The following OTUD5 variants were observed in gnomAD, a reference collection of about 807,000 sequenced individuals.
The protein encoded by OTUD5 is OTU domain-containing protein 5.
Under a neutral mutation model 36.3 loss-of-function variants are expected in OTUD5, and 2 were observed. The ratio of observed to expected loss-of-function variants is 0.06; its 90% CI spans 0.02 to 0.17. OTUD5 has a LOEUF of 0.17. Ranked by LOEUF, OTUD5 falls within the 10% of genes least tolerant of loss-of-function variation. OTUD5 has a pLI of 1.00. For missense variants in OTUD5, 233 were observed against 512.3 expected, an observed-to-expected ratio of 0.45 and a Z score of 5.26; for synonymous variants, 234 against 214.9, an observed-to-expected ratio of 1.09 and a Z score of -0.78.
At chrX:48,925,750 G>C in intron 6 of OTUD5, 97 bp downstream of exon 6, 1 of 669,061 alleles carries the variant, frequency 1.5e-6, no homozygotes, top group Non-Finnish European at 2.3e-6. Context: ...TTCCCTCCCA[G>C]ATGTCAAAAC....
At chrX:48,946,090 C>G (rs1367609708) in intron 1 of OTUD5, among the ~76,000 whole-genome samples, 1 of 111,162 alleles carries the variant, frequency 9.0e-6, no homozygotes, top group Non-Finnish European at 1.9e-5. Context: ...GCCCACCTAT[C>G]CGTAAGGCCA....
In OTUD5 at chrX:48,922,904, G is replaced by A. The variant is rs886735845; in HGVS notation, c.*270C>T. 34 of 964,135 alleles carry A rather than the reference G, an allele frequency of 3.5e-5. No homozygotes were observed. Among genetic ancestry groups the A allele is most frequent in the South Asian group, 1.3e-4 (4 of 30,995 alleles). 79.5% of individuals were successfully genotyped at this position (964,135 alleles called of 1,213,427 possible). A position where few individuals can be genotyped will look rare whatever the true frequency, so the allele number is the denominator to read the frequency against. ...TTGTCTATCTTCGGCACCCTTGCCC[G>A]AGTCCCCTGTGGAATGCAGGGATGG... On this transcript the variant is annotated 3_prime_UTR_variant, in exon 9 of 9. Coordinates refer to ENST00000376488, the MANE Select transcript of OTUD5 (RefSeq NM_001136157.2).
chrX:48,944,376 A>T (rs2063986018), intron 1 of OTUD5, 93 bp from the exon 2 acceptor site: 1 of 544,229 alleles, frequency 1.8e-6, no homozygotes, highest in African/African-American at 2.3e-5. Flanking sequence ...TAGATCATTG[A>T]CAGAGAGGAC....
intron 1 of OTUD5, among the ~76,000 whole-genome samples, chrX:48,946,091 C>T (rs1017797238): frequency 2.7e-5 from 3 of 111,074 alleles, no homozygotes; most frequent in African/African-American, 9.8e-5. Flanking sequence ...CCCACCTATC[C>T]GTAAGGCCAT....
intron 1 of OTUD5, among the ~76,000 whole-genome samples, chrX:48,953,616 C>T (rs1300035901): frequency 2.7e-5 from 3 of 111,124 alleles, no homozygotes; most frequent in African/African-American, 9.8e-5. Flanking sequence ...CCAGCTTTTT[C>T]CACCACCTCA....
Position 48,957,546 on chromosome X carries a change from GCTT to G in OTUD5, c.22_24del (p.Lys8del). The G allele has an allele frequency of 1.2e-6, 1 of 832,950 alleles. No homozygotes were observed. Among genetic ancestry groups the G allele is most frequent in the African/African-American group, 2.2e-5 (1 of 45,428 alleles). The allele number at this position is 832,950 out of a possible 1,213,427, so 68.6% of individuals were successfully genotyped here. On this transcript the variant is annotated inframe_deletion, in exon 1 of 9. Transcript: ENST00000376488. ...GCGGGGTCGGCGTCGGGAGGCGGCG[GCTT>G]CTTTTTGGGGAGTATAGTCATGGCT...
intron 2 of OTUD5, among the ~76,000 whole-genome samples, chrX:48,936,538 C>T (rs2063832667): frequency 9.0e-6 from 1 of 110,934 alleles, no homozygotes; most frequent in African/African-American, 3.3e-5. Context: ...TGAGCCACCG[C>T]GCCTGGCCCA....
At chrX:48,950,867 C>G (rs2064128559) in intron 1 of OTUD5, among the ~76,000 whole-genome samples, 2 of 110,604 alleles carry the variant, frequency 1.8e-5, no homozygotes, top group South Asian at 7.7e-4. Flanking sequence ...CGGCCAACTT[C>G]TGTTGTTTTA....
intron 1 of OTUD5, among the ~76,000 whole-genome samples, chrX:48,952,828 T>C (rs1557054228): frequency 8.9e-6 from 1 of 111,759 alleles, no homozygotes; most frequent in Non-Finnish European, 1.9e-5. Flanking sequence ...CCAATTCCAG[T>C]TGGGGTAAGA....
intron 6 of OTUD5, among the ~76,000 whole-genome samples, chrX:48,924,258 A>C (rs1471873715): frequency 2.7e-5 from 3 of 111,224 alleles, no homozygotes; most frequent in African/African-American, 6.5e-5. Context: ...ACACCCCTAC[A>C]GCCAATCTGA....
chrX:48,948,349 T>C (rs185507284), intron 1 of OTUD5, among the ~76,000 whole-genome samples: 5 of 110,448 alleles, frequency 4.5e-5, no homozygotes, highest in South Asian at 3.8e-4. Context: ...CAAGACTATG[T>C]CTCAAAAACA....
chrX:48,925,961 G>A lies in OTUD5; in HGVS notation c.1149C>T (p.Ala383=), dbSNP rs782373489. The A allele has an allele frequency of 2.5e-6, 3 of 1,209,322 alleles. No individual in the cohort carries two copies. Among genetic ancestry groups the A allele is most frequent in the Non-Finnish European group, 3.4e-6 (3 of 893,486 alleles). ...CTTCATTTGTGGCCTCCCAGTCTGTGGCCCGTTTCTTGTCTTCTAGCATCT... is the reference window on the plus strand; with the variant it reads ...CTTCATTTGTGGCCTCCCAGTCTGTAGCCCGTTTCTTGTCTTCTAGCATCT... ...EQQMLEDKKR[A]TDWEATNEAI... The change falls in exon 6 of 9, where the codon GCC becomes GCT. Residue 383 remains alanine, a synonymous_variant. Transcript: ENST00000376488.
chrX:48,929,486 C>T (rs904104543), intron 5 of OTUD5, among the ~76,000 whole-genome samples: 3 of 110,286 alleles, frequency 2.7e-5, no homozygotes, highest in Admixed American at 9.7e-5. Flanking sequence ...TTTGGGAGGC[C>T]GAGGCAGGCA....
intron 5 of OTUD5, among the ~76,000 whole-genome samples, chrX:48,931,229 A>G (rs146284564): frequency 3.6e-5 from 4 of 111,825 alleles, no homozygotes; most frequent in Middle Eastern, 4.6e-3. Flanking sequence ...CCAGTTGATC[A>G]AGGGTAACAC....
intron 1 of OTUD5, among the ~76,000 whole-genome samples, chrX:48,947,848 G>A (rs1284231008): frequency 3.6e-5 from 4 of 111,908 alleles, no homozygotes; most frequent in African/African-American, 1.3e-4. Flanking sequence ...CTTCTGCCAC[G>A]AAGTACCAGG....
At chrX:48,956,850 A>T (rs1557055443) in intron 1 of OTUD5, 127 bp downstream of exon 1, 10 of 722,791 alleles carry the variant, frequency 1.4e-5, no homozygotes, top group Non-Finnish European at 1.9e-5. Flanking sequence ...CCGCCAGAGA[A>T]GACTGTCAGG....
At chrX:48,931,545 G>C (rs1236389996) in intron 5 of OTUD5, among the ~76,000 whole-genome samples, 1 of 111,521 alleles carries the variant, frequency 9.0e-6, no homozygotes, top group East Asian at 2.8e-4. Flanking sequence ...TTGGGAGGCC[G>C]AGGCGGGTGG....
intron 1 of OTUD5, among the ~76,000 whole-genome samples, chrX:48,956,433 A>G (rs1358278660): frequency 9.0e-6 from 1 of 111,246 alleles, no homozygotes; most frequent in African/African-American, 3.3e-5. Flanking sequence ...GTGCAGTGTT[A>G]CCCAGCGAAG....
At chrX:48,926,545 G>A (rs1261762290) in intron 5 of OTUD5, among the ~76,000 whole-genome samples, 1 of 110,585 alleles carries the variant, frequency 9.0e-6, no homozygotes, top group Non-Finnish European at 1.9e-5. Flanking sequence ...TAGAAATGGG[G>A]TTTCACCATG....
Sources: allele counts gnomAD v4.1 joint callset (sites outside exome capture counted in the v4.1 genomes callset), GRCh38; gene constraint gnomAD v4.1.1; transcripts MANE v1.5; gene names NCBI Gene and HGNC (gene_info 2026-07-23, HGNC 2026-07-21).